DDAH1: variants seen among roughly 807,000 people sequenced by gnomAD.
The protein encoded by DDAH1 is dimethylarginine dimethylaminohydrolase 1.
A neutral mutation model predicts 28.8 loss-of-function variants in DDAH1; 19 were observed. The ratio of observed to expected loss-of-function variants is 0.66; its 90% CI spans 0.46 to 0.97. DDAH1 has a LOEUF of 0.97. DDAH1 is among the 50% of genes least tolerant of loss of function. The probability of loss-of-function intolerance (pLI) is 0.00; values close to 1 mark genes in which losing one functional copy is unlikely to be tolerated. For missense variants in DDAH1, 326 were observed against 375.9 expected, an observed-to-expected ratio of 0.87 and a Z score of 1.10; for synonymous variants, 153 against 154.4, an observed-to-expected ratio of 0.99 and a Z score of 0.07.
At chr1:85,433,982 AT>A (rs905630236) in intron 1 of DDAH1, among the ~76,000 whole-genome samples, 10 of 151,764 alleles carry the variant, frequency 6.6e-5, no homozygotes, top group Admixed American at 6.5e-4. Context: ...ATAATTTAAC[AT>A]TTTTTGTACA....
chr1:85,542,692 T>A (rs187178975), intron 1 of DDAH1, among the ~76,000 whole-genome samples: 307 of 152,320 alleles, frequency 2.0e-3, no homozygotes, highest in Non-Finnish European at 3.7e-3. Context: ...AATATTCAGA[T>A]CCACCTTGTC....
chr1:85,427,480 A>T (rs1015215001), intron 1 of DDAH1, among the ~76,000 whole-genome samples: 1 of 152,226 alleles, frequency 6.6e-6, no homozygotes, highest in African/African-American at 2.4e-5. Flanking sequence ...TTCATATGGT[A>T]ACTTGGATTC....
chr1:85,494,067 G>A (rs1178533847), intron 2 of DDAH1: 2 of 152,194 alleles, frequency 1.3e-5, no homozygotes, highest in Non-Finnish European at 2.9e-5. Context: ...TATCTGAGCA[G>A]TTTTTTCCCC....
At chr1:85,433,088 G>A (rs550521957) in intron 1 of DDAH1, among the ~76,000 whole-genome samples, 2 of 152,048 alleles carry the variant, frequency 1.3e-5, no homozygotes, top group South Asian at 4.2e-4. Flanking sequence ...ATATGCATAC[G>A]TACATGCATA....
At chr1:85,436,800 C>T (rs533771523) in intron 1 of DDAH1, among the ~76,000 whole-genome samples, 12 of 152,222 alleles carry the variant, frequency 7.9e-5, no homozygotes, top group Admixed American at 3.3e-4. Flanking sequence ...AGTTGTGAAG[C>T]GGTAGACATT....
At chr1:85,396,251 G>C (rs1346965420) in intron 1 of DDAH1, among the ~76,000 whole-genome samples, 2 of 152,160 alleles carry the variant, frequency 1.3e-5, no homozygotes, top group African/African-American at 4.8e-5. Context: ...CCTAAGGCTG[G>C]ATAATTTATG....
At chr1:85,360,282 AACCAGAGT>A (rs1481190870) in intron 1 of DDAH1, among the ~76,000 whole-genome samples, 1 of 152,252 alleles carries the variant, frequency 6.6e-6, no homozygotes, top group Non-Finnish European at 1.5e-5. Flanking sequence ...AAATTCCACA[AACCAGAGT>A]GACTCAGAAC....
chr1:85,364,240 A>G (rs1649944745), intron 1 of DDAH1, among the ~76,000 whole-genome samples: 1 of 152,116 alleles, frequency 6.6e-6, no homozygotes, highest in South Asian at 2.1e-4. Context: ...TCAGAATTGG[A>G]GCCCATGCCT....
At chr1:85,348,087 G>A (rs1025761999) in intron 4 of DDAH1, among the ~76,000 whole-genome samples, 2 of 152,180 alleles carry the variant, frequency 1.3e-5, no homozygotes, top group African/African-American at 4.8e-5. Flanking sequence ...TCTAGCTAGT[G>A]AGGATTATTT....
At chr1:85,578,005 G>C in exon 1 of DDAH1, 1 of 985,426 alleles carries the variant, frequency 1.0e-6, no homozygotes, top group Non-Finnish European at 1.2e-6. Flanking sequence ...TGCACATTTC[G>C]CCTCCTGTCC....
At chr1:85,477,615 T>TGCG (rs1655846305) in intron 2 of DDAH1, among the ~76,000 whole-genome samples, 1 of 152,088 alleles carries the variant, frequency 6.6e-6, no homozygotes, top group Non-Finnish European at 1.5e-5. Flanking sequence ...CTACTGTCTC[T>TGCG]GCTATACTAT....
chr1:85,339,486 G>A (rs1485164975), intron 4 of DDAH1, among the ~76,000 whole-genome samples: 2 of 152,134 alleles, frequency 1.3e-5, no homozygotes, highest in Non-Finnish European at 2.9e-5. Flanking sequence ...AAAGATTATT[G>A]GACAAATACA....
At chr1:85,387,101 A>G (rs1215156441) in intron 1 of DDAH1, among the ~76,000 whole-genome samples, 1 of 152,028 alleles carries the variant, frequency 6.6e-6, no homozygotes, top group Non-Finnish European at 1.5e-5. Flanking sequence ...AGGTTTCTGA[A>G]ACACCTTCAG....
At chr1:85,410,056 G>A (rs1488744547) in intron 1 of DDAH1, among the ~76,000 whole-genome samples, 1 of 152,018 alleles carries the variant, frequency 6.6e-6, no homozygotes, top group Non-Finnish European at 1.5e-5. Flanking sequence ...TGAGGCGGGA[G>A]GATCACTTGA....
chr1:85,358,744 A>G lies in DDAH1; in HGVS notation c.403+4T>C, dbSNP rs979349875. ...TTGGATAGAAAAAATAAATACAACT[A>G]TACCTGTGAATAAAACATCTCCGCC... On this transcript the variant is annotated splice_donor_region_variant and intron_variant, in intron 2 of 5. Transcript: ENST00000284031. The G allele has an allele frequency of 1.9e-6, 3 of 1,571,526 alleles. No homozygotes were observed. The highest frequency in any genetic ancestry group is 1.7e-5 in the Admixed American group (1 of 58,794).
chr1:85,561,572 C>G (rs1158599969), intron 1 of DDAH1, among the ~76,000 whole-genome samples: 1 of 152,086 alleles, frequency 6.6e-6, no homozygotes, highest in African/African-American at 2.4e-5. Context: ...TGATCTCTTA[C>G]ATAATATTAA....
At chr1:85,391,757 C>A (rs1275519932) in intron 1 of DDAH1, among the ~76,000 whole-genome samples, 3 of 152,156 alleles carry the variant, frequency 2.0e-5, no homozygotes, top group Non-Finnish European at 4.4e-5. Context: ...TGGGGCATTT[C>A]TTTAATAAAT....
chr1:85,536,984 T>C (rs1273387020), intron 1 of DDAH1, among the ~76,000 whole-genome samples: 1 of 27,604 alleles, frequency 3.6e-5, no homozygotes, highest in Non-Finnish European at 7.8e-5. Context: ...TATATATATA[T>C]ACGTATATAC....
chr1:85,508,235 C>A (rs1359519417), intron 1 of DDAH1, among the ~76,000 whole-genome samples: 1 of 152,206 alleles, frequency 6.6e-6, no homozygotes. Context: ...TTGGGAGTTG[C>A]AAATTAGTAA....
Sources: gnomAD v4.1 joint callset for allele counts (sites outside exome capture counted in the v4.1 genomes callset) on GRCh38, gnomAD v4.1.1 for gene constraint, MANE v1.5 for transcripts, NCBI Gene and HGNC (gene_info 2026-07-23, HGNC 2026-07-21) for gene names.